The following TNS3 variants were observed in gnomAD, a reference collection of about 807,000 sequenced individuals.
TNS3 encodes tensin-3.
A neutral mutation model predicts 140.9 loss-of-function variants in TNS3; 45 were observed. The observed-to-expected ratio is 0.32, with a 90% CI of 0.25 to 0.41. TNS3 has a LOEUF of 0.41. Among genes scored for constraint, TNS3 ranks in the 10% least tolerant of loss-of-function variants. The pLI, the probability that TNS3 is intolerant of heterozygous loss-of-function variation, is 1.00. For synonymous variants in TNS3, 815 were observed against 788.4 expected, an observed-to-expected ratio of 1.03 and a Z score of -0.56; for missense variants, 1,716 against 1,906.7, an observed-to-expected ratio of 0.90 and a Z score of 1.86.
intron 4 of TNS3, among the ~76,000 whole-genome samples, chr7:47,450,228 T>C (rs921388699): frequency 5.3e-5 from 8 of 152,206 alleles, no homozygotes; most frequent in African/African-American, 1.4e-4. Context: ...TTAACAAAAA[T>C]AAATGTACCC....
At position 47,304,715 on chromosome 7, in the gene TNS3, C is replaced by T. The variant is rs1046769257; in HGVS notation, c.2822+117G>A. The T allele has an allele frequency of 8.2e-6, 9 of 1,092,034 alleles. No homozygotes were observed. The East Asian group carries it at 1.3e-4, about 15-fold the overall frequency. 67.6% of individuals were successfully genotyped at this position (1,092,034 alleles called of 1,614,324 possible). A position where few individuals can be genotyped will look rare whatever the true frequency, so the allele number is the denominator to read the frequency against. On this transcript the variant is annotated intron_variant, in intron 21 of 30. Transcript: ENST00000311160. ...CCCCGCCCCATCTTCAGGCCAGTCC[C>T]TGCCTGGTCTAGCTTCAGCTTCTCT...
At chr7:47,494,537 G>C (rs1248909713) in intron 3 of TNS3, among the ~76,000 whole-genome samples, 1 of 152,296 alleles carries the variant, frequency 6.6e-6, no homozygotes, top group East Asian at 1.9e-4. Flanking sequence ...AAGACCTTCT[G>C]AACAGGGGGC....
At chr7:47,363,067 C>CATCAGGGTCAT in intron 17 of TNS3, among the ~76,000 whole-genome samples, 1 of 52 alleles carries the variant, frequency 0.019, no homozygotes, top group African/African-American at 0.056. Context: ...CCGTCATCAT[C>CATCAGGGTCAT]CACCATCACC....
In TNS3 at chr7:47,580,497, C is replaced by T. The variant is rs544037478; in HGVS notation, c.-265+1554G>A. On this transcript the variant is annotated intron_variant, in intron 1 of 30. Transcript: ENST00000311160. The stretch of plus-strand genomic sequence containing the variant: ...GCTGCCAGTTCCTCCTGTCAATTCC[C>T]TGTGTACACACCCCCCACCCCCTGT... 4.6e-5 allele frequency among the ~76,000 whole-genome samples: 7 copies of T among 152,106 alleles called. No individual in the cohort carries two copies. The South Asian group carries it at 1.5e-3, about 32-fold the overall frequency.
At chr7:47,341,253 A>C (rs1185965825) in intron 20 of TNS3, among the ~76,000 whole-genome samples, 2 of 152,138 alleles carry the variant, frequency 1.3e-5, no homozygotes, top group African/African-American at 4.8e-5. Context: ...TACTAGCTTC[A>C]CAAAATGAAT....
At chr7:47,283,636 C>T in intron 28 of TNS3, 61 bp downstream of exon 28, 2 of 1,446,564 alleles carry the variant, frequency 1.4e-6, no homozygotes, top group Non-Finnish European at 1.8e-6. Flanking sequence ...TAGGGAAGAA[C>T]AAGAGGAACG....
intron 2 of TNS3, among the ~76,000 whole-genome samples, chr7:47,521,144 A>G (rs1459593616): frequency 6.6e-6 from 1 of 152,148 alleles, no homozygotes; most frequent in African/African-American, 2.4e-5. Flanking sequence ...TAAACAAATG[A>G]TCAGAACACA....
chr7:47,492,352 T>G (rs1584765634), intron 3 of TNS3, among the ~76,000 whole-genome samples: 1 of 152,252 alleles, frequency 6.6e-6, no homozygotes, highest in African/African-American at 2.4e-5. Context: ...CAGGCTGCCC[T>G]GCCTGCCGCA....
rs998429673 is a variant in TNS3, at chr7:47,463,735, G to A, written c.-76+17368C>T. On this transcript the variant is annotated intron_variant, in intron 4 of 30. Coordinates refer to ENST00000311160, the MANE Select transcript of TNS3 (RefSeq NM_022748.12). ...AGCTTTGCTTTGTTCAGTGTCAGACGGGAACATGCAGGTGGGCAACCCGAA... is the reference window on the plus strand; with the variant it reads ...AGCTTTGCTTTGTTCAGTGTCAGACAGGAACATGCAGGTGGGCAACCCGAA... 5.3e-5 allele frequency among the ~76,000 whole-genome samples: 8 copies of A among 152,072 alleles called. 1 individual carries two copies. The highest frequency in any genetic ancestry group is 3.3e-4 in the Admixed American group (5 of 15,266).
At chr7:47,495,168 G>A (rs569950154) in intron 3 of TNS3, among the ~76,000 whole-genome samples, 4 of 148,030 alleles carry the variant, frequency 2.7e-5, no homozygotes, top group South Asian at 4.4e-4. Context: ...CCCAGCCTGG[G>A]CGACAGAGCC....
chr7:47,297,788 T>A (rs1253537462), intron 23 of TNS3, among the ~76,000 whole-genome samples: 1 of 148,906 alleles, frequency 6.7e-6, no homozygotes. Flanking sequence ...GAAAGAAGTT[T>A]TTTTTTTTTT....
chr7:47,469,800 A>G (rs1253132038), intron 4 of TNS3, among the ~76,000 whole-genome samples: 1 of 151,964 alleles, frequency 6.6e-6, no homozygotes, highest in Non-Finnish European at 1.5e-5. Context: ...ATGGTGAAAC[A>G]CTGTCCCTGA....
At position 47,547,382 on chromosome 7, in the gene TNS3, C is replaced by G. The variant is rs138871055; in HGVS notation, c.-264-18235G>C. Among the ~76,000 whole-genome samples, 1,265 of 152,188 alleles carry G rather than the reference C, an allele frequency of 8.3e-3. 18 individuals carry two copies. Among genetic ancestry groups the G allele is most frequent in the African/African-American group, 0.029 (1,200 of 41,516 alleles). On this transcript the variant is annotated intron_variant, in intron 1 of 30. Transcript: ENST00000311160. ...AGGAGTAACCAGCACTCAGTGGAGC[C>G]CTGGGGACATTAGATTTGGAGGCAT...
In TNS3 at chr7:47,369,540, C is replaced by G. The variant is rs1360157189; in HGVS notation, c.1106G>C (p.Gly369Ala). ...GGTGGCCGGGATTGCCTGGGGGCCA[C>G]CTGGGATGCCAGGATCCGAGGAGCT... ...KKSSSDPGIP[G>A]GPQAIPATNS... is the part of the protein sequence containing the mutation. Residue 369 changes from glycine (G) to alanine (A), a missense_variant, in exon 17 of 31, where the codon GGT becomes GCT. Transcript: ENST00000311160. 6.2e-7 allele frequency: 1 copy of G among 1,613,242 alleles called. No homozygotes were observed. The highest frequency in any genetic ancestry group is 8.5e-7 in the Non-Finnish European group (1 of 1,179,682).
At chr7:47,489,695 GA>G (rs1562798344) in intron 3 of TNS3, among the ~76,000 whole-genome samples, 1 of 152,240 alleles carries the variant, frequency 6.6e-6, no homozygotes, top group Admixed American at 6.5e-5. Context: ...TCTCAGATCA[GA>G]AATCAAATGT....
intron 1 of TNS3, among the ~76,000 whole-genome samples, chr7:47,530,838 A>AAATATAT: frequency 1.8e-5 from 1 of 54,562 alleles, no homozygotes; most frequent in African/African-American, 7.9e-5. Flanking sequence ...AAAAAAAAAA[A>AAATATAT]ATATATATAT....
chr7:47,281,346 C>T (rs1326762659), intron 28 of TNS3, among the ~76,000 whole-genome samples: 1 of 152,218 alleles, frequency 6.6e-6, no homozygotes, highest in Non-Finnish European at 1.5e-5. Flanking sequence ...TCCACATGGT[C>T]CCCAGAGGAT....
At chr7:47,483,449 G>A (rs1797501439) in intron 3 of TNS3, among the ~76,000 whole-genome samples, 1 of 152,182 alleles carries the variant, frequency 6.6e-6, no homozygotes, top group African/African-American at 2.4e-5. Context: ...GATTACAGGC[G>A]TGAGCCACCA....
At chr7:47,294,749 A>T (rs1391525474) in intron 24 of TNS3, among the ~76,000 whole-genome samples, 1 of 152,260 alleles carries the variant, frequency 6.6e-6, no homozygotes, top group African/African-American at 2.4e-5. Flanking sequence ...AGGGCAGTAA[A>T]GCTTGCAGAA....
Sources: allele counts gnomAD v4.1 joint callset (sites outside exome capture counted in the v4.1 genomes callset), GRCh38; gene constraint gnomAD v4.1.1; transcripts MANE v1.5; gene names NCBI Gene and HGNC (gene_info 2026-07-23, HGNC 2026-07-21).